The following CABCOCO1 variants were observed in gnomAD, a reference collection of about 807,000 sequenced individuals.
CABCOCO1 encodes the protein ciliary-associated calcium-binding coiled-coil protein 1.
Under a neutral mutation model 35.7 loss-of-function variants are expected in CABCOCO1, and 28 were observed. That is an observed-to-expected ratio of 0.78 (90% CI 0.58 to 1.07). CABCOCO1 has a LOEUF of 1.07. Ranked by LOEUF, CABCOCO1 falls within the 50% of genes least tolerant of loss-of-function variation. The pLI is 0.00. For synonymous variants in CABCOCO1, 95 were observed against 100.1 expected (o/e 0.95, Z 0.30); for missense variants, 326 against 309.2 (o/e 1.05, Z -0.41).
At chr10:61,753,707 C>G (rs1040447117) in intron 5 of CABCOCO1, among the ~76,000 whole-genome samples, 1 of 152,112 alleles carries the variant, frequency 6.6e-6, no homozygotes, top group Non-Finnish European at 1.5e-5. Context: ...GGTGTAAACA[C>G]TCTCCTTTTC....
At chr10:61,678,915 C>A (rs75740762) in intron 2 of CABCOCO1, among the ~76,000 whole-genome samples, 3,891 of 152,168 alleles carry the variant, frequency 0.026, 163 homozygotes, top group African/African-American at 0.089. Context: ...TCTACCCTGA[C>A]ACCACTGTAG....
chr10:61,721,601 G>A (rs1047495382), intron 5 of CABCOCO1, among the ~76,000 whole-genome samples: 2 of 152,168 alleles, frequency 1.3e-5, no homozygotes, highest in African/African-American at 4.8e-5. Flanking sequence ...AAGAGGAACT[G>A]AAGTCACAGA....
intron 5 of CABCOCO1, among the ~76,000 whole-genome samples, chr10:61,693,642 A>G (rs1364705091): frequency 6.6e-6 from 1 of 152,104 alleles, no homozygotes; most frequent in Admixed American, 6.6e-5. Context: ...AAAACCAGAC[A>G]TCACTGCTTT....
intron 1 of CABCOCO1, among the ~76,000 whole-genome samples, chr10:61,671,326 A>G (rs1414183996): frequency 6.7e-6 from 1 of 148,794 alleles, no homozygotes; most frequent in Non-Finnish European, 1.5e-5. Flanking sequence ...CTCCGTCTCA[A>G]AAAAAAAAAA....
chr10:61,676,429 T>A (rs1486349570), intron 2 of CABCOCO1, among the ~76,000 whole-genome samples: 1 of 152,086 alleles, frequency 6.6e-6, no homozygotes, highest in Non-Finnish European at 1.5e-5. Context: ...TCAACAAAAA[T>A]AGGCAAGCAC....
chr10:61,761,133 C>A, intron 7 of CABCOCO1, 130 bp downstream of exon 7: 2 of 938,000 alleles, frequency 2.1e-6, no homozygotes, highest in South Asian at 1.7e-5. Context: ...AATTTAACAG[C>A]TTCACATAAT....
At chr10:61,684,833 G>A (rs1422718167) in intron 3 of CABCOCO1, 1 of 152,212 alleles carries the variant, frequency 6.6e-6, no homozygotes, top group African/African-American at 2.4e-5. Context: ...TGTGTGGGTT[G>A]TAAATAATGT....
chr10:61,704,229 A>G (rs550017848), intron 5 of CABCOCO1, among the ~76,000 whole-genome samples: 26 of 151,964 alleles, frequency 1.7e-4, no homozygotes, highest in Admixed American at 1.5e-3. Flanking sequence ...GTCTAAAAAT[A>G]TATATATATA....
chr10:61,688,168 A>G (rs1840023343), intron 4 of CABCOCO1, among the ~76,000 whole-genome samples: 1 of 152,228 alleles, frequency 6.6e-6, no homozygotes, highest in Non-Finnish European at 1.5e-5. Flanking sequence ...AAGGAAAAAA[A>G]ACAGTTTAAT....
chr10:61,749,677 T>C (rs1259348807), intron 5 of CABCOCO1, among the ~76,000 whole-genome samples: 1 of 152,190 alleles, frequency 6.6e-6, no homozygotes, highest in Non-Finnish European at 1.5e-5. Context: ...AGATAAACAT[T>C]TTTTGGAATC....
chr10:61,755,527 T>C (rs1278766325), intron 5 of CABCOCO1, among the ~76,000 whole-genome samples: 3 of 152,080 alleles, frequency 2.0e-5, no homozygotes, highest in South Asian at 4.1e-4. Flanking sequence ...CAAACAAATG[T>C]CTTTACAAAG....
At chr10:61,739,130 T>C (rs907479535) in intron 5 of CABCOCO1, among the ~76,000 whole-genome samples, 1 of 152,210 alleles carries the variant, frequency 6.6e-6, no homozygotes, top group African/African-American at 2.4e-5. Flanking sequence ...TTCTGAATTT[T>C]CTCAAGGATA....
intron 5 of CABCOCO1, among the ~76,000 whole-genome samples, chr10:61,741,671 TTTTTTCTAC>T (rs1462544340): frequency 6.6e-6 from 1 of 152,190 alleles, no homozygotes; most frequent in African/African-American, 2.4e-5. Context: ...AATTTTTCTA[TTTTTTCTAC>T]GGAAAATAAT....
At chr10:61,731,623 ATTAG>A (rs1173479557) in intron 5 of CABCOCO1, among the ~76,000 whole-genome samples, 21 of 151,906 alleles carry the variant, frequency 1.4e-4, no homozygotes, top group African/African-American at 4.3e-4. Flanking sequence ...CAAAATTTTG[ATTAG>A]TGCTTAATGG....
intron 5 of CABCOCO1, among the ~76,000 whole-genome samples, chr10:61,704,217 C>T (rs1001882301): frequency 6.6e-6 from 1 of 152,210 alleles, no homozygotes; most frequent in Non-Finnish European, 1.5e-5. Flanking sequence ...GAGTGAAACC[C>T]TGTCTAAAAA....
At chr10:61,692,010 G>C (rs1422421611) in intron 5 of CABCOCO1, among the ~76,000 whole-genome samples, 1 of 152,238 alleles carries the variant, frequency 6.6e-6, no homozygotes, top group East Asian at 1.9e-4. Context: ...TATATACCTA[G>C]TAATGGGATT....
intron 5 of CABCOCO1, among the ~76,000 whole-genome samples, chr10:61,720,696 G>GA (rs1840984816): frequency 6.6e-6 from 1 of 151,624 alleles, no homozygotes; most frequent in Admixed American, 6.6e-5. Context: ...TGGTGGGGGG[G>GA]CAGGTAATGA....
intron 5 of CABCOCO1, among the ~76,000 whole-genome samples, chr10:61,740,050 A>T (rs1841515643): frequency 6.6e-6 from 1 of 152,246 alleles, no homozygotes; most frequent in Non-Finnish European, 1.5e-5. Context: ...GAACAAGAGG[A>T]TCTAAAAGAG....
At chr10:61,728,044 C>T (rs1253470378) in intron 5 of CABCOCO1, among the ~76,000 whole-genome samples, 2 of 152,174 alleles carry the variant, frequency 1.3e-5, no homozygotes, top group South Asian at 2.1e-4. Flanking sequence ...GTGGGTTACA[C>T]ACATCAGTAT....
Sources: allele counts gnomAD v4.1 joint callset (sites outside exome capture counted in the v4.1 genomes callset), GRCh38; gene constraint gnomAD v4.1.1; transcripts MANE v1.5; gene names NCBI Gene and HGNC (gene_info 2026-07-23, HGNC 2026-07-21).